The following NTN5 variants were observed in gnomAD, a reference collection of about 807,000 sequenced individuals.
NTN5 encodes netrin-5.
A neutral mutation model predicts 38.7 loss-of-function variants in NTN5; 42 were observed. That is an observed-to-expected ratio of 1.08 (90% CI 0.85 to 1.40). The LOEUF (loss-of-function observed/expected upper bound fraction) is 1.40, where lower values mean the gene tolerates loss of function less well. NTN5 is among the 40% of genes most tolerant of loss of function. The pLI, the probability that NTN5 is intolerant of heterozygous loss-of-function variation, is 0.00. For synonymous variants in NTN5, 329 were observed against 303.9 expected, an observed-to-expected ratio of 1.08 and a Z score of -0.86; for missense variants, 658 against 716.5, an observed-to-expected ratio of 0.92 and a Z score of 0.93.
intron 1 of NTN5, among the ~76,000 whole-genome samples, chr19:48,672,591 G>A (rs961629222): frequency 3.3e-5 from 5 of 152,244 alleles, no homozygotes; most frequent in African/African-American, 1.2e-4. Flanking sequence ...GGTGGCAGCC[G>A]CCTGCCTGGC....
In NTN5 at chr19:48,669,957, T is replaced by TCAC. The variant is rs1568452776; in HGVS notation, c.631+396_631+398dup. 6.0e-4 allele frequency among the ~76,000 whole-genome samples: 4 copies of TCAC among 6,684 alleles called. 1 individual carries two copies. Among genetic ancestry groups the TCAC allele is most frequent in the Middle Eastern group, 0.12 (1 of 8 alleles). 4.4% of individuals were successfully genotyped at this position (6,684 alleles called of 152,430 possible). A position where few individuals can be genotyped will look rare whatever the true frequency, so the allele number is the denominator to read the frequency against. On this transcript the variant is annotated intron_variant, in intron 2 of 6. Transcript: ENST00000270235. ...ACTACCATCACCATCACCACCACCA[T>TCAC]CACCATCACCACCATCATCACCATC...
At position 48,661,892 on chromosome 19, in the gene NTN5, C is replaced by A; in HGVS notation, c.1255G>T (p.Gly419Cys). 7.4e-7 allele frequency: 1 copy of A among 1,352,538 alleles called. No individual in the cohort carries two copies. The highest frequency in any genetic ancestry group is 1.6e-5 in the African/African-American group (1 of 63,872). The allele number at this position is 1,352,538 out of a possible 1,614,324, so 83.8% of individuals were successfully genotyped here. ...GTGCCTGGCTGCAGGCGCAGGCAGCCGCAGGTCAGGTCGGCGCGGGGCACC... is the reference window on the plus strand; with the variant it reads ...GTGCCTGGCTGCAGGCGCAGGCAGCAGCAGGTCAGGTCGGCGCGGGGCACC... ...AWVPRADLTC[G>C]CLRLQPGTDY... The change falls in exon 7 of 7, where the codon GGC (glycine) becomes TGC (cysteine). Residue 419 changes from glycine (G) to cysteine (C), a missense_variant. Coordinates refer to ENST00000270235, the MANE Select transcript of NTN5 (RefSeq NM_145807.4).
In NTN5 at chr19:48,664,156, C is replaced by T; in HGVS notation, c.957G>A (p.Arg319=). 13 of 1,607,532 alleles carry T rather than the reference C, an allele frequency of 8.1e-6. No homozygotes were observed. The highest frequency in any genetic ancestry group is 1.1e-5 in the Non-Finnish European group (13 of 1,177,424). The change falls in exon 4 of 7, where the codon AGG becomes AGA. Residue 319 remains arginine (R), a synonymous_variant. Coordinates refer to ENST00000270235, the MANE Select transcript of NTN5 (RefSeq NM_145807.4). ...CTCAAGACTTACGCTGGCAGGGCAT[C>T]CTGGGGGAGCGGCTCTGCTGGTAGC... is the stretch of plus-strand genomic sequence containing the variant. ...GPGYQQSRSP[R]MPCQRIPEAT...
rs944565917 is a variant in NTN5 at position 48,670,933 on chromosome 19, T to G, written c.54A>C (p.Pro18=). The change falls in exon 2 of 7, where the codon CCA becomes CCC. Residue 18 remains proline (P), a synonymous_variant. Transcript: ENST00000270235. The part of the protein sequence containing the change: ...LLLLGQATAD[P]CYDPQGRPQF... ...GGGGGCGGCCCTGTGGATCGTAGCA[T>G]GGGTCCGCAGTGGCCTGGCCCAGGA... 3.1e-6 allele frequency: 5 copies of G among 1,588,706 alleles called. No individual in the cohort carries two copies. Among genetic ancestry groups the G allele is most frequent in the Non-Finnish European group, 4.3e-6 (5 of 1,166,544 alleles).
chr19:48,666,677 CTTTTTT>C (rs35638493), intron 2 of NTN5, among the ~76,000 whole-genome samples: 1 of 41,118 alleles, frequency 2.4e-5, no homozygotes, highest in Non-Finnish European at 4.3e-5. Context: ...ACAGACCACT[CTTTTTT>C]TTTTTTTTTT....
At chr19:48,668,867 A>G (rs1034642276) in intron 2 of NTN5, among the ~76,000 whole-genome samples, 3 of 151,996 alleles carry the variant, frequency 2.0e-5, no homozygotes, top group Admixed American at 6.6e-5. Context: ...ACTGTTCAAT[A>G]AATATTACCC....
chr19:48,669,730 CCAT>C (rs2031868928), intron 2 of NTN5, among the ~76,000 whole-genome samples: 4 of 95,284 alleles, frequency 4.2e-5, no homozygotes, highest in Non-Finnish European at 6.3e-5. Flanking sequence ...ACCACCACCA[CCAT>C]CACCATCACC....
chr19:48,664,428 C>T, intron 3 of NTN5, 136 bp from the exon 4 acceptor site: 1 of 1,323,374 alleles, frequency 7.6e-7, no homozygotes, highest in East Asian at 2.6e-5. Flanking sequence ...AGTCCAGGCC[C>T]CCAGCCCCTC....
At position 48,663,781 on chromosome 19, in the gene NTN5, G is replaced by A; in HGVS notation, c.1004C>T (p.Thr335Ile). 2 of 1,614,136 alleles carry A rather than the reference G, an allele frequency of 1.2e-6. No individual in the cohort carries two copies. Among genetic ancestry groups the A allele is most frequent in the South Asian group, 2.2e-5 (2 of 91,082 alleles). The change falls in exon 5 of 7, where the codon ACT becomes ATT. Residue 335 changes from threonine to isoleucine, a missense_variant. Thr to Ile is a moderately conservative substitution (Grantham distance 89). Transcript: ENST00000270235. ...IPEATTTLAT[T>I]PGAYSSDPQC... ...CTTACCAGAGCTATAAGCACCAGGA[G>A]TAGTGGCAAGGGTGGTTGTTGCCTC...
chr19:48,662,026 A>C lies in NTN5; in HGVS notation c.1121T>G (p.Val374Gly). The C allele has an allele frequency of 6.7e-7, 1 of 1,482,156 alleles. No individual in the cohort carries two copies. Among genetic ancestry groups the C allele is most frequent in the Non-Finnish European group, 8.9e-7 (1 of 1,124,536 alleles). 91.8% of individuals were successfully genotyped at this position (1,482,156 alleles called of 1,614,324 possible). A position where few individuals can be genotyped will look rare whatever the true frequency, so the allele number is the denominator to read the frequency against. ...CGGGCCCGCCGCCTCGGACGCTAGC[A>C]CCTGCGCGCGGAGAACTGTGGGGAG... ...CQQDHVLRAQ[V>G]LASEAAGPAW... Residue 374 changes from valine to glycine, a missense_variant, in exon 7 of 7, where the codon GTG (valine) becomes GGG (glycine). Physicochemically the swap from Val to Gly is moderately radical, Grantham distance 109 (BLOSUM62 -3). Transcript: ENST00000270235.
chr19:48,665,324 T>C (rs1352255541), intron 2 of NTN5, among the ~76,000 whole-genome samples: 2 of 151,020 alleles, frequency 1.3e-5, no homozygotes, highest in Non-Finnish European at 2.9e-5. Flanking sequence ...TAGTCCCAGC[T>C]ACTCGGGAGG....
intron 2 of NTN5, among the ~76,000 whole-genome samples, chr19:48,669,876 C>T (rs1235403237): frequency 2.8e-5 from 3 of 105,790 alleles, no homozygotes; most frequent in African/African-American, 1.0e-4. Context: ...ACCATCATCA[C>T]CACTACCATC....
At chr19:48,663,207 C>G (rs755941438) in intron 6 of NTN5, 8 of 608,126 alleles carry the variant, frequency 1.3e-5, no homozygotes, top group South Asian at 1.2e-4. Context: ...AGATGTCAGG[C>G]TGAAGGAGAT....
intron 2 of NTN5, among the ~76,000 whole-genome samples, chr19:48,668,802 C>T (rs1337515068): frequency 6.6e-6 from 1 of 152,120 alleles, no homozygotes; most frequent in Non-Finnish European, 1.5e-5. Context: ...GAATACTTTC[C>T]CCCTGTGGTT....
intron 2 of NTN5, among the ~76,000 whole-genome samples, chr19:48,668,141 T>G (rs1235036828): frequency 6.6e-6 from 1 of 152,034 alleles, no homozygotes; most frequent in African/African-American, 2.4e-5. Context: ...GGGACATTCC[T>G]GGGGGGCCCC....
intron 1 of NTN5, 37 bp from the exon 2 acceptor site, chr19:48,671,043 G>A: frequency 7.0e-7 from 1 of 1,428,834 alleles, no homozygotes. Context: ...GGGGATCTCA[G>A]CCGCAGCCTC....
intron 2 of NTN5, among the ~76,000 whole-genome samples, chr19:48,669,444 C>T (rs868552774): frequency 2.5e-4 from 12 of 47,776 alleles, no homozygotes; most frequent in Non-Finnish European, 4.4e-4. Context: ...ACCACCACCA[C>T]CATCACCACC....
rs1351617318 is a variant in NTN5 at position 48,664,560 on chromosome 19, G to A, written c.820+19C>T. On this transcript the variant is annotated intron_variant, in intron 3 of 6. Transcript: ENST00000270235. ...CCCTACCTCTGCTCCCCCCAGGCCT[G>A]TCTGCAGGCCACACTCACCTCTGCA... is the stretch of plus-strand genomic sequence containing the variant. 5 of 1,588,022 alleles carry A rather than the reference G, an allele frequency of 3.1e-6. No individual in the cohort carries two copies. The highest frequency in any genetic ancestry group is 4.3e-6 in the Non-Finnish European group (5 of 1,166,304).
chr19:48,663,386 C>T lies in NTN5; in HGVS notation c.1105+77G>A, dbSNP rs553491509. On this transcript the variant is annotated intron_variant, in intron 6 of 6. Transcript: ENST00000270235. ...CCATTTAAGATGAGAAAGTGGAAGGCCAGAAAGGGGGTGGCTTAGAAGCAG... is the reference window on the plus strand; with the variant it reads ...CCATTTAAGATGAGAAAGTGGAAGGTCAGAAAGGGGGTGGCTTAGAAGCAG... The T allele has an allele frequency of 8.9e-5, 112 of 1,255,160 alleles. 2 individuals are homozygous for T. The South Asian group carries it at 1.3e-3, about 15-fold the overall frequency. The allele number at this position is 1,255,160 out of a possible 1,614,324, so 77.8% of individuals were successfully genotyped here. A position where few individuals can be genotyped will look rare whatever the true frequency, so the allele number is the denominator to read the frequency against.
Sources: allele counts gnomAD v4.1 joint callset (sites outside exome capture counted in the v4.1 genomes callset), GRCh38; gene constraint gnomAD v4.1.1; transcripts MANE v1.5; gene names NCBI Gene and HGNC (gene_info 2026-07-23, HGNC 2026-07-21).